CNOT4: variants seen among roughly 807,000 people sequenced by gnomAD.
CNOT4 encodes CCR4-NOT transcription complex subunit 4.
Under a neutral mutation model 73.8 loss-of-function variants are expected in CNOT4, and 8 were observed. That is an observed-to-expected ratio of 0.11 (90% CI 0.06 to 0.20). The LOEUF (loss-of-function observed/expected upper bound fraction) is 0.20, where lower values mean the gene tolerates loss of function less well. Ranked by LOEUF, CNOT4 falls within the 10% of genes least tolerant of loss-of-function variation. The probability of loss-of-function intolerance (pLI) is 1.00; values close to 1 mark genes in which losing one functional copy is unlikely to be tolerated. For missense variants in CNOT4, 564 were observed against 883.4 expected (o/e 0.64, Z 4.58); for synonymous variants, 293 against 321.1 (o/e 0.91, Z 0.94).
chr7:135,384,848 A>G (rs1351928834), intron 10 of CNOT4: 1 of 681,004 alleles, frequency 1.5e-6, no homozygotes, highest in African/African-American at 1.8e-5. Context: ...ATGTCTTAAC[A>G]CTAAGTAGTC....
rs796412528 is a variant in CNOT4 at position 135,495,690 on chromosome 7, AAAAGAAAGAAAGAAAGAAAGAAAGAAAG to A, written c.-93+14171_-93+14198del. On this transcript the variant is annotated intron_variant, in intron 1 of 11. Transcript: ENST00000541284. ...GTGTCAAAAAAAAAAAAAAAAAAAA[AAAAGAAAGAAAGAAAGAAAGAAAGAAAG>A]AAAGAAAGAAAGAAAGAAAGAAAGA... 4.9e-3 allele frequency among the ~76,000 whole-genome samples: 188 copies of A among 38,662 alleles called. 18 individuals carry two copies. The highest frequency in any genetic ancestry group is 6.9e-3 in the Non-Finnish European group (134 of 19,524). The allele number at this position is 38,662 out of a possible 152,430, so 25.4% of individuals were successfully genotyped here. A position where few individuals can be genotyped will look rare whatever the true frequency, so the allele number is the denominator to read the frequency against.
chr7:135,417,751 C>T (rs1485586948), intron 3 of CNOT4, among the ~76,000 whole-genome samples: 1 of 152,132 alleles, frequency 6.6e-6, no homozygotes, highest in East Asian at 1.9e-4. Context: ...CTTCATGATC[C>T]ATTACCACTT....
chr7:135,392,406 CTTAACT>C (rs1227758035), intron 10 of CNOT4, among the ~76,000 whole-genome samples: 1 of 152,042 alleles, frequency 6.6e-6, no homozygotes, highest in Non-Finnish European at 1.5e-5. Context: ...TTTGGGAGAA[CTTAACT>C]TTAACTTTTA....
chr7:135,473,052 A>T (rs1186743953), intron 1 of CNOT4, among the ~76,000 whole-genome samples: 1 of 152,000 alleles, frequency 6.6e-6, no homozygotes, highest in Non-Finnish European at 1.5e-5. Context: ...AAAAAAAAAA[A>T]TACAATTTAT....
At chr7:135,449,863 A>G (rs1306228038) in intron 1 of CNOT4, among the ~76,000 whole-genome samples, 1 of 151,630 alleles carries the variant, frequency 6.6e-6, no homozygotes, top group African/African-American at 2.4e-5. Context: ...TAGGAGATAC[A>G]TTCTAAAGTA....
intron 1 of CNOT4, among the ~76,000 whole-genome samples, chr7:135,494,136 A>G (rs896383579): frequency 6.6e-6 from 1 of 151,566 alleles, no homozygotes; most frequent in African/African-American, 2.4e-5. Context: ...GTAAAGTCCT[A>G]TATAGTGTCC....
chr7:135,495,600 T>C (rs1585733328), intron 1 of CNOT4, among the ~76,000 whole-genome samples: 1 of 133,902 alleles, frequency 7.5e-6, no homozygotes, highest in Admixed American at 8.3e-5. Flanking sequence ...TACCTGAGGC[T>C]GGGAGGCTAT....
At chr7:135,396,640 AT>A (rs1796709956) in intron 8 of CNOT4, among the ~76,000 whole-genome samples, 1 of 152,212 alleles carries the variant, frequency 6.6e-6, no homozygotes, top group Non-Finnish European at 1.5e-5. Context: ...ATCATTAAAA[AT>A]AATTTTGTAT....
At chr7:135,444,497 A>G (rs56148107) in intron 1 of CNOT4, 1 of 856,132 alleles carries the variant, frequency 1.2e-6, no homozygotes, top group Non-Finnish European at 2.0e-6. Flanking sequence ...GTGCCCAAGG[A>G]GGTCGAGCTC....
chr7:135,497,004 A>G (rs1421669191), intron 1 of CNOT4, among the ~76,000 whole-genome samples: 4 of 151,722 alleles, frequency 2.6e-5, no homozygotes, highest in Non-Finnish European at 5.9e-5. Context: ...ATGGAGTCTC[A>G]CTATAATTGC....
chr7:135,458,575 G>A (rs937371640), intron 1 of CNOT4, among the ~76,000 whole-genome samples: 2 of 152,028 alleles, frequency 1.3e-5, no homozygotes, highest in Non-Finnish European at 2.9e-5. Context: ...CAATCCTCTC[G>A]AACCCTGTCA....
intron 1 of CNOT4, among the ~76,000 whole-genome samples, chr7:135,454,516 T>TAA (rs35988493): frequency 3.8e-4 from 57 of 149,902 alleles, no homozygotes; most frequent in African/African-American, 8.8e-4. Flanking sequence ...ATTAAAAAAT[T>TAA]AAAAAAAAAT....
chr7:135,409,647 G>A (rs1316730814), intron 7 of CNOT4, among the ~76,000 whole-genome samples: 3 of 151,678 alleles, frequency 2.0e-5, no homozygotes, highest in Admixed American at 6.6e-5. Flanking sequence ...TTAACACCTA[G>A]ACATTAGGAC....
At chr7:135,405,925 CCACT>C (rs1164659066) in intron 7 of CNOT4, among the ~76,000 whole-genome samples, 5 of 152,064 alleles carry the variant, frequency 3.3e-5, no homozygotes, top group African/African-American at 9.7e-5. Flanking sequence ...AAACTGCTAC[CCACT>C]ATCTAGGAAT....
intron 10 of CNOT4, among the ~76,000 whole-genome samples, chr7:135,393,520 T>C (rs1796509481): frequency 6.6e-6 from 1 of 151,988 alleles, no homozygotes; most frequent in South Asian, 2.1e-4. Context: ...ATGCTCTCAT[T>C]AATTATCATT....
intron 1 of CNOT4, among the ~76,000 whole-genome samples, chr7:135,454,450 T>C (rs894165914): frequency 2.0e-5 from 3 of 151,588 alleles, no homozygotes; most frequent in Middle Eastern, 3.2e-3. Context: ...GCTCAAGAGT[T>C]AAAGACCAGC....
intron 3 of CNOT4, among the ~76,000 whole-genome samples, chr7:135,419,272 A>G (rs1365877952): frequency 6.6e-6 from 1 of 152,188 alleles, no homozygotes; most frequent in African/African-American, 2.4e-5. Context: ...TGTTAATCAG[A>G]ATTAGGTCAA....
Position 135,431,003 on chromosome 7 carries a change from C to T in CNOT4, c.174+7155G>A, listed in dbSNP as rs564213675. On this transcript the variant is annotated intron_variant, in intron 2 of 11. Transcript: ENST00000541284. ...ACAGAGCCAGGTGCAGTGACTCATG[C>T]CTATAATCCCAGCATTTTGGAGGGG... is the stretch of plus-strand genomic sequence containing the variant. 3.9e-5 allele frequency among the ~76,000 whole-genome samples: 6 copies of T among 152,276 alleles called. No homozygotes were observed. In the South Asian group the frequency reaches 1.2e-3, roughly 32 times the overall value.
intron 1 of CNOT4, among the ~76,000 whole-genome samples, chr7:135,493,950 G>A (rs1232469141): frequency 6.6e-6 from 1 of 151,670 alleles, no homozygotes; most frequent in African/African-American, 2.4e-5. Flanking sequence ...GCTTTCATTA[G>A]CTAATCAAAT....
Sources: allele counts gnomAD v4.1 joint callset (sites outside exome capture counted in the v4.1 genomes callset), GRCh38; gene constraint gnomAD v4.1.1; transcripts MANE v1.5; gene names NCBI Gene and HGNC (gene_info 2026-07-23, HGNC 2026-07-21).